The following NID2 variants were observed in gnomAD, a reference collection of about 807,000 sequenced individuals.
The protein encoded by NID2 is nidogen-2.
In NID2, 83 loss-of-function variants were observed where a neutral mutation model predicts 145.4. The observed-to-expected ratio is 0.57, with a 90% CI of 0.48 to 0.69. The LOEUF (loss-of-function observed/expected upper bound fraction) is 0.69. Among genes scored for constraint, NID2 ranks in the 30% least tolerant of loss-of-function variants. The pLI is 0.00. For missense variants in NID2, 1,807 were observed against 1,765.7 expected (o/e 1.02, Z -0.42); for synonymous variants, 739 against 701.3 (o/e 1.05, Z -0.85).
At chr14:52,066,321 CA>C (rs34875276) in intron 2 of NID2, among the ~76,000 whole-genome samples, 1,468 of 133,566 alleles carry the variant, frequency 0.011, 12 homozygotes, top group African/African-American at 0.029. Context: ...TAACGGGTAC[CA>C]AAAAAAAAAA....
Position 52,029,678 on chromosome 14 carries a change from G to T in NID2, c.2270C>A (p.Pro757His), listed in dbSNP as rs1187730777. 4 of 1,613,768 alleles carry T rather than the reference G, an allele frequency of 2.5e-6. No individual in the cohort carries two copies. In the South Asian group the frequency reaches 4.4e-5, roughly 18 times the overall value. Residue 757 changes from proline to histidine, a missense_variant, in exon 10 of 22, where the codon CCC (proline) becomes CAC (histidine). By Grantham distance (77) the Pro-to-His change is moderately conservative (BLOSUM62 -2). Coordinates refer to ENST00000216286, the MANE Select transcript of NID2 (RefSeq NM_007361.4). ...ATCATAGCAAGGATTCCCCGGAGTGGGGTCTGAATCCTCTGCATGAGTAGA... is the reference window on the plus strand; with the variant it reads ...ATCATAGCAAGGATTCCCCGGAGTGTGGTCTGAATCCTCTGCATGAGTAGA... ...QIGPVKEDSD[P>H]TPGNPCYDGS...
intron 17 of NID2, among the ~76,000 whole-genome samples, chr14:52,011,267 C>T (rs1240887778): frequency 6.6e-6 from 1 of 152,200 alleles, no homozygotes; most frequent in Non-Finnish European, 1.5e-5. Context: ...TTGATGACAA[C>T]CGGCATCCAC....
intron 14 of NID2, among the ~76,000 whole-genome samples, chr14:52,015,793 T>A (rs751015621): frequency 6.6e-6 from 1 of 152,142 alleles, no homozygotes; most frequent in African/African-American, 2.4e-5. Flanking sequence ...GACTGGCCAG[T>A]GTGTGTCTTA....
chr14:52,039,361 G>C (rs1892193604), intron 8 of NID2, among the ~76,000 whole-genome samples: 2 of 152,198 alleles, frequency 1.3e-5, no homozygotes, highest in Non-Finnish European at 2.9e-5. Flanking sequence ...CCACATGGTA[G>C]AGCTGGAACT....
intron 9 of NID2, among the ~76,000 whole-genome samples, chr14:52,033,724 T>C (rs967813876): frequency 2.0e-5 from 3 of 152,244 alleles, no homozygotes; most frequent in Non-Finnish European, 4.4e-5. Context: ...TTTCTTTTTT[T>C]CCCTCCTATT....
chr14:52,023,245 G>A (rs183794393), intron 12 of NID2, among the ~76,000 whole-genome samples: 55 of 152,216 alleles, frequency 3.6e-4, no homozygotes, highest in Admixed American at 2.9e-3. Context: ...GGGAGGCTGA[G>A]GGGGGTAGAT....
intron 3 of NID2, among the ~76,000 whole-genome samples, chr14:52,058,548 G>A (rs1892925702): frequency 6.6e-6 from 1 of 152,200 alleles, no homozygotes; most frequent in South Asian, 2.1e-4. Context: ...AAGGGGGTAA[G>A]TGGAAATGCT....
At chr14:52,063,726 G>C (rs1893094987) in intron 2 of NID2, among the ~76,000 whole-genome samples, 1 of 152,192 alleles carries the variant, frequency 6.6e-6, no homozygotes, top group Non-Finnish European at 1.5e-5. Context: ...TAGAGCTCTA[G>C]GATCATTGGG....
chr14:52,005,480 C>T lies in NID2; in HGVS notation c.*6G>A. ...AAACTCCAAGTCTTCCTTTACATTACTGTACTTACTTTCTTCCTGTGAGAG... is the reference window on the plus strand; with the variant it reads ...AAACTCCAAGTCTTCCTTTACATTATTGTACTTACTTTCTTCCTGTGAGAG... On this transcript the variant is annotated 3_prime_UTR_variant, in exon 22 of 22. Coordinates refer to ENST00000216286, the MANE Select transcript of NID2 (RefSeq NM_007361.4). 2.5e-6 allele frequency: 4 copies of T among 1,595,616 alleles called. No individual in the cohort carries two copies. The highest frequency in any genetic ancestry group is 3.4e-6 in the Non-Finnish European group (4 of 1,172,984).
intron 12 of NID2, 70 bp from the exon 13 acceptor site, chr14:52,020,248 GC>G (rs1195462113): frequency 1.3e-6 from 2 of 1,593,698 alleles, no homozygotes. Context: ...CTGTGCGACT[GC>G]ATGGGCTTTG....
rs754851814 is a variant in NID2, at chr14:52,038,968, G to A, written c.2036C>T (p.Ser679Phe). Residue 679 changes from serine (S) to phenylalanine (F), a missense_variant, in exon 9 of 22, where the codon TCT (serine) becomes TTT (phenylalanine). Physicochemically the swap from Ser to Phe is radical, Grantham distance 155. Coordinates refer to ENST00000216286, the MANE Select transcript of NID2 (RefSeq NM_007361.4). ...LYHYSDSTVT[S>F]TSSRDYSLTF... is the part of the protein sequence containing the mutation. Reference sequence around the variant, plus strand: ...CAGAGAGTAGTCTCTGGAACTTGTAGAGGTCACAGCTGCAACAAACACAGT... The same window carrying A: ...CAGAGAGTAGTCTCTGGAACTTGTAAAGGTCACAGCTGCAACAAACACAGT... The A allele has an allele frequency of 5.6e-6, 9 of 1,611,618 alleles. No homozygotes were observed. The South Asian group carries it at 8.8e-5, about 16-fold the overall frequency.
intron 14 of NID2, among the ~76,000 whole-genome samples, chr14:52,016,030 G>T (rs1308565528): frequency 6.6e-6 from 1 of 152,054 alleles, no homozygotes; most frequent in Non-Finnish European, 1.5e-5. Context: ...CTAGCTTCCT[G>T]CCGTGTTGCC....
At chr14:52,023,915 G>A (rs1891488541) in intron 12 of NID2, among the ~76,000 whole-genome samples, 2 of 152,174 alleles carry the variant, frequency 1.3e-5, no homozygotes, top group African/African-American at 4.8e-5. Flanking sequence ...GTTTGATGGA[G>A]TAAAAGAGCA....
At chr14:52,063,426 T>C (rs1481802087) in intron 2 of NID2, among the ~76,000 whole-genome samples, 3 of 152,214 alleles carry the variant, frequency 2.0e-5, no homozygotes, top group African/African-American at 7.2e-5. Flanking sequence ...AACCAGAGCC[T>C]GACTCTCCCT....
chr14:52,064,259 T>C (rs1330192949), intron 2 of NID2, among the ~76,000 whole-genome samples: 1 of 152,216 alleles, frequency 6.6e-6, no homozygotes. Context: ...TTGTCTTCTG[T>C]TGTTTACAAC....
At position 52,010,943 on chromosome 14, in the gene NID2, CAG is replaced by C; in HGVS notation, c.3653_3654del (p.Ser1218Ter). On this transcript the variant is annotated frameshift_variant, in exon 18 of 22. Coordinates refer to ENST00000216286, the MANE Select transcript of NID2 (RefSeq NM_007361.4). LOFTEE classifies it high-confidence loss of function. ...TCTGTGTAGAAGAGGACCTTGCGCTCAGAGCCATCCAGCAGGGCGCTCTCTAT... is the reference window on the plus strand; with the variant it reads ...TCTGTGTAGAAGAGGACCTTGCGCTCAGCCATCCAGCAGGGCGCTCTCTAT... ...DKIESALLDGSERKVLFYTDL... is the reference protein window; with the variant it reads ...DKIESALLDGXERKVLFYTDL... The C allele has an allele frequency of 6.2e-7, 1 of 1,614,082 alleles. No individual in the cohort carries two copies. The highest frequency in any genetic ancestry group is 8.5e-7 in the Non-Finnish European group (1 of 1,180,040).
At chr14:52,031,223 G>A (rs568127662) in intron 9 of NID2, among the ~76,000 whole-genome samples, 73 of 152,286 alleles carry the variant, frequency 4.8e-4, no homozygotes, top group African/African-American at 1.6e-3. Context: ...TGGCACTTCT[G>A]TGTACTTCTG....
At chr14:52,031,911 C>T (rs1891884355) in intron 9 of NID2, among the ~76,000 whole-genome samples, 1 of 152,232 alleles carries the variant, frequency 6.6e-6, no homozygotes, top group Admixed American at 6.5e-5. Flanking sequence ...CTCAAGTTAA[C>T]TTGGCAACCA....
intron 9 of NID2, among the ~76,000 whole-genome samples, chr14:52,034,833 T>C (rs147675032): frequency 9.7e-4 from 148 of 152,316 alleles, no homozygotes; most frequent in African/African-American, 3.4e-3. Flanking sequence ...TCTTACATTC[T>C]AGGGGAAAAC....
Sources: gnomAD v4.1 joint callset for allele counts (sites outside exome capture counted in the v4.1 genomes callset) on GRCh38, gnomAD v4.1.1 for gene constraint, MANE v1.5 for transcripts, NCBI Gene and HGNC (gene_info 2026-07-23, HGNC 2026-07-21) for gene names.